The following PLCG2 variants were observed in gnomAD, a reference collection of about 807,000 sequenced individuals.
PLCG2 encodes the protein phospholipase C gamma 2.
In PLCG2, 69 loss-of-function variants were observed where a neutral mutation model predicts 175.6. The observed-to-expected ratio is 0.39, with a 90% CI of 0.32 to 0.48. PLCG2 has a LOEUF of 0.48. Ranked by LOEUF, PLCG2 falls within the 20% of genes least tolerant of loss-of-function variation. PLCG2 has a pLI of 0.91. For synonymous variants in PLCG2, 827 were observed against 624.0 expected (o/e 1.33, Z -4.85); for missense variants, 1,798 against 1,650.9 (o/e 1.09, Z -1.54).
chr16:81,889,062 C>T (rs1026172210), intron 9 of PLCG2, 110 bp from the exon 10 acceptor site: 6 of 644,456 alleles, frequency 9.3e-6, no homozygotes, highest in Non-Finnish European at 1.7e-5. Context: ...CAAGTGAATT[C>T]GGAATTGGTT....
intron 2 of PLCG2, among the ~76,000 whole-genome samples, chr16:81,819,276 A>T (rs1324087919): frequency 6.6e-6 from 1 of 152,116 alleles, no homozygotes; most frequent in Non-Finnish European, 1.5e-5. Context: ...CAGAGTCAGG[A>T]CATCCTGGGG....
At chr16:81,940,103 G>GTACTT in intron 30 of PLCG2, 44 bp downstream of exon 30, 1 of 1,533,412 alleles carries the variant, frequency 6.5e-7, no homozygotes, top group South Asian at 1.1e-5. Context: ...GGCTGGCGTT[G>GTACTT]TACTTTGGTT....
At chr16:81,857,816 A>T in intron 3 of PLCG2, 1 of 163,530 alleles carries the variant, frequency 6.1e-6, no homozygotes, top group Non-Finnish European at 1.4e-5. Context: ...GGCCTTGGAC[A>T]CATGACTGAA....
At chr16:81,903,254 A>G (rs1361452620) in intron 14 of PLCG2, among the ~76,000 whole-genome samples, 2 of 152,128 alleles carry the variant, frequency 1.3e-5, no homozygotes, top group Non-Finnish European at 2.9e-5. Context: ...CTATATTATC[A>G]CTGGGCCACC....
At chr16:81,753,555 A>T (rs1909858136) in intron 1 of PLCG2, among the ~76,000 whole-genome samples, 1 of 151,722 alleles carries the variant, frequency 6.6e-6, no homozygotes, top group East Asian at 1.9e-4. Flanking sequence ...AGTAGCTGGG[A>T]TTATAGGCGC....
chr16:81,893,012 G>C (rs1908710690), intron 11 of PLCG2, among the ~76,000 whole-genome samples: 1 of 151,872 alleles, frequency 6.6e-6, no homozygotes, highest in Admixed American at 6.6e-5. Context: ...GCCCTGTTTT[G>C]TTTTGTTTTG....
intron 5 of PLCG2, among the ~76,000 whole-genome samples, chr16:81,868,602 G>A (rs914983115): frequency 1.3e-5 from 2 of 152,358 alleles, no homozygotes; most frequent in Middle Eastern, 3.4e-3. Flanking sequence ...TACATGAAGA[G>A]TGTCATAGTT....
intron 20 of PLCG2, among the ~76,000 whole-genome samples, chr16:81,919,901 G>C (rs1279692316): frequency 2.0e-5 from 3 of 152,176 alleles, no homozygotes; most frequent in Non-Finnish European, 4.4e-5. Context: ...ATGGTGATGA[G>C]TGCTATGGAG....
At chr16:81,878,106 C>A (rs1029274434) in intron 7 of PLCG2, among the ~76,000 whole-genome samples, 1 of 151,262 alleles carries the variant, frequency 6.6e-6, no homozygotes, top group Non-Finnish European at 1.5e-5. Context: ...CTCAGCCTCC[C>A]GAGTAGCTGG....
chr16:81,904,762 T>C (rs4628964), intron 14 of PLCG2, among the ~76,000 whole-genome samples: 13,524 of 152,146 alleles, frequency 0.089, 2,032 homozygotes, highest in African/African-American at 0.31. Context: ...CCTCATGGGG[T>C]TTATATTCTA....
At chr16:81,859,231 A>C in intron 5 of PLCG2, 68 bp downstream of exon 5, 1 of 1,028,274 alleles carries the variant, frequency 9.7e-7, no homozygotes, top group Non-Finnish European at 1.5e-6. Context: ...TAAACCTTCC[A>C]AGGGGGTGGG....
intron 9 of PLCG2, among the ~76,000 whole-genome samples, chr16:81,888,219 C>T (rs1418162055): frequency 6.6e-6 from 1 of 151,300 alleles, no homozygotes; most frequent in Non-Finnish European, 1.5e-5. Context: ...AGAGTACTTT[C>T]TTTTTTTTTG....
At chr16:81,746,986 A>G (rs143902524) in intron 1 of PLCG2, among the ~76,000 whole-genome samples, 1 of 152,188 alleles carries the variant, frequency 6.6e-6, no homozygotes, top group African/African-American at 2.4e-5. Flanking sequence ...ACATAAAGGG[A>G]TTCAGCAAAG....
At chr16:81,927,841 G>A (rs2143703655) in intron 23 of PLCG2, among the ~76,000 whole-genome samples, 1 of 152,302 alleles carries the variant, frequency 6.6e-6, no homozygotes, top group South Asian at 2.1e-4. Context: ...GCAAGTGGGA[G>A]GTACAGTCTA....
intron 2 of PLCG2, among the ~76,000 whole-genome samples, chr16:81,789,770 C>T (rs1040222100): frequency 3.3e-5 from 5 of 152,074 alleles, no homozygotes; most frequent in Non-Finnish European, 7.4e-5. Flanking sequence ...ACTGCCCTTC[C>T]TCCACCTTCC....
At chr16:81,858,595 A>T (rs1245384794) in intron 4 of PLCG2, among the ~76,000 whole-genome samples, 1 of 152,000 alleles carries the variant, frequency 6.6e-6, no homozygotes, top group Non-Finnish European at 1.5e-5. Context: ...GGTGCATTGG[A>T]CTCGAGATAG....
At position 81,859,103 on chromosome 16, in the gene PLCG2, T is replaced by A. The variant is rs4888183; in HGVS notation, c.432-13T>A. Reference sequence around the variant, plus strand: ...CTCTTTCTCTCTTTCTTTTGTCTCATATTTCTTTCCAGTTGGCTGAGAAAG... The same window carrying A: ...CTCTTTCTCTCTTTCTTTTGTCTCAAATTTCTTTCCAGTTGGCTGAGAAAG... On this transcript the variant is annotated splice_polypyrimidine_tract_variant and intron_variant, in intron 4 of 32. Transcript: ENST00000564138. 829,351 of 1,517,952 alleles carry A rather than the reference T, an allele frequency of 0.55. 228,594 individuals are homozygous for A. Among genetic ancestry groups the A allele is most frequent in the Middle Eastern group, 0.63 (3,711 of 5,876 alleles). 94.0% of individuals were successfully genotyped at this position (1,517,952 alleles called of 1,614,324 possible).
At chr16:81,918,196 A>T (rs1452161512) in intron 19 of PLCG2, among the ~76,000 whole-genome samples, 1 of 152,126 alleles carries the variant, frequency 6.6e-6, no homozygotes, top group African/African-American at 2.4e-5. Context: ...GAAGCCTCTT[A>T]GTTTGATAAA....
chr16:81,912,474 C>A (rs1909669700), intron 18 of PLCG2, 123 bp from the exon 19 acceptor site: 3 of 1,206,046 alleles, frequency 2.5e-6, no homozygotes, highest in South Asian at 1.5e-5. Flanking sequence ...TGTGTGATTT[C>A]CATGGTCGTT....
Sources: allele counts gnomAD v4.1 joint callset (sites outside exome capture counted in the v4.1 genomes callset), GRCh38; gene constraint gnomAD v4.1.1; transcripts MANE v1.5; gene names NCBI Gene and HGNC (gene_info 2026-07-23, HGNC 2026-07-21).